Variants in ZNF507 observed in about 807,000 individuals in gnomAD.
ZNF507 encodes zinc finger protein 507.
A neutral mutation model predicts 80.0 loss-of-function variants in ZNF507; 29 were observed. The ratio of observed to expected loss-of-function variants is 0.36; its 90% CI spans 0.27 to 0.49. The LOEUF is 0.49. ZNF507 is among the 20% of genes least tolerant of loss of function. The pLI, the probability that ZNF507 is intolerant of heterozygous loss-of-function variation, is 0.98. For missense variants in ZNF507, 1,081 were observed against 1,152.2 expected, an observed-to-expected ratio of 0.94 and a Z score of 0.90; for synonymous variants, 462 against 422.5, an observed-to-expected ratio of 1.09 and a Z score of -1.15.
At chr19:32,362,341 G>A (rs187574155) in intron 5 of ZNF507, among the ~76,000 whole-genome samples, 5 of 152,300 alleles carry the variant, frequency 3.3e-5, no homozygotes, top group East Asian at 3.9e-4. Context: ...TAGACATACC[G>A]TGCCAGATTC....
chr19:32,346,064 A>C (rs907474308), intron 1 of ZNF507, among the ~76,000 whole-genome samples: 1 of 152,166 alleles, frequency 6.6e-6, no homozygotes, highest in Non-Finnish European at 1.5e-5. Flanking sequence ...TTCCTTCTCC[A>C]GGCGTTGCTT....
chr19:32,378,223 C>T (rs1568309783), intron 5 of ZNF507, among the ~76,000 whole-genome samples: 1 of 152,032 alleles, frequency 6.6e-6, no homozygotes, highest in Non-Finnish European at 1.5e-5. Context: ...CGTGGTGGCA[C>T]ACACCTGTAA....
chr19:32,355,460 G>A (rs1055279076), intron 3 of ZNF507, among the ~76,000 whole-genome samples: 1 of 152,176 alleles, frequency 6.6e-6, no homozygotes, highest in Non-Finnish European at 1.5e-5. Flanking sequence ...AAAAGGTACT[G>A]TCATGGAAAT....
chr19:32,370,736 G>C (rs1967459616), intron 5 of ZNF507, among the ~76,000 whole-genome samples: 1 of 152,040 alleles, frequency 6.6e-6, no homozygotes, highest in African/African-American at 2.4e-5. Context: ...TTTTTGGTTT[G>C]ATGTTGTCCC....
rs541702804 is a variant in ZNF507, at chr19:32,354,419, A to G, written c.1589A>G (p.Gln530Arg). ...AACCTTTTAGATCCAGATACTAGTCAAAGGCAAGTAGATAGTACATTGGCA... is the reference window on the plus strand; with the variant it reads ...AACCTTTTAGATCCAGATACTAGTCGAAGGCAAGTAGATAGTACATTGGCA... Reference protein sequence around the residue: ...DINLLDPDTSQRQVDSTLAAY... With the variant: ...DINLLDPDTSRRQVDSTLAAY... Residue 530 changes from glutamine to arginine, a missense_variant, in exon 3 of 7, where the codon CAA becomes CGA. By Grantham distance (43) the Gln-to-Arg change is conservative (BLOSUM62 1). Transcript: ENST00000355898. 1 of 1,614,116 alleles carries G rather than the reference A, an allele frequency of 6.2e-7. No individual in the cohort carries two copies. The highest frequency in any genetic ancestry group is 1.3e-5 in the African/African-American group (1 of 75,030).
chr19:32,356,990 G>A (rs765615086), intron 4 of ZNF507: 1 of 329,060 alleles, frequency 3.0e-6, no homozygotes, highest in Non-Finnish European at 5.6e-6. Flanking sequence ...CCCCTTAGAA[G>A]GTGATGTACC....
chr19:32,359,720 A>G (rs1275944932), intron 4 of ZNF507: 1 of 152,196 alleles, frequency 6.6e-6, no homozygotes, highest in Non-Finnish European at 1.5e-5. Context: ...AGAGCTGCAT[A>G]TTCATGTCAG....
At chr19:32,369,096 G>A (rs747761055) in intron 5 of ZNF507, among the ~76,000 whole-genome samples, 104 of 152,200 alleles carry the variant, frequency 6.8e-4, no homozygotes, top group Admixed American at 2.4e-3. Flanking sequence ...TTTTAGCCAA[G>A]TTATAAGAAG....
At chr19:32,347,897 A>T (rs1429731766) in intron 2 of ZNF507, among the ~76,000 whole-genome samples, 2 of 152,206 alleles carry the variant, frequency 1.3e-5, no homozygotes, top group Non-Finnish European at 2.9e-5. Flanking sequence ...TAGACTATGA[A>T]ACTCCATATA....
At chr19:32,373,137 C>T (rs1399234555) in intron 5 of ZNF507, among the ~76,000 whole-genome samples, 3 of 152,198 alleles carry the variant, frequency 2.0e-5, no homozygotes, top group Non-Finnish European at 2.9e-5. Flanking sequence ...GGCCTCTGCC[C>T]TCATGACCTA....
At chr19:32,350,999 G>T (rs1558868) in intron 2 of ZNF507, among the ~76,000 whole-genome samples, 1 of 151,992 alleles carries the variant, frequency 6.6e-6, no homozygotes, top group South Asian at 2.1e-4. Flanking sequence ...TCCCCCATTG[G>T]TCTCCTCTTT....
In ZNF507 at chr19:32,354,794, A is replaced by G. The variant is rs201588894; in HGVS notation, c.1964A>G (p.Tyr655Cys). The G allele has an allele frequency of 1.3e-5, 21 of 1,614,238 alleles. No homozygotes were observed. The highest frequency in any genetic ancestry group is 1.7e-5 in the Admixed American group (1 of 60,034). ...LCHYTSGNKG[Y>C]IKQHLRVHRQ... is the part of the protein sequence containing the mutation. ...CACTACACAAGTGGCAACAAGGGCT[A>G]CATCAAGCAGCACTTACGAGTCCAT... The change falls in exon 3 of 7, where the codon TAC becomes TGC. Residue 655 changes from tyrosine (Y) to cysteine (C), a missense_variant. By Grantham distance (194) the Tyr-to-Cys change is radical. Coordinates refer to ENST00000355898, the MANE Select transcript of ZNF507 (RefSeq NM_001136156.2).
Position 32,353,407 on chromosome 19 carries a change from T to G in ZNF507, c.577T>G (p.Cys193Gly). The G allele has an allele frequency of 6.2e-7, 1 of 1,614,126 alleles. No individual in the cohort carries two copies. Among genetic ancestry groups the G allele is most frequent in the Non-Finnish European group, 8.5e-7 (1 of 1,180,028 alleles). ...NIHTQSKAQQCVSPSSSLCRK... is the reference protein window; with the variant it reads ...NIHTQSKAQQGVSPSSSLCRK... ...CCACACCCAATCCAAAGCCCAACAG[T>G]GCGTAAGCCCCTCCAGCTCTTTGTG... Residue 193 changes from cysteine (C) to glycine (G), a missense_variant, in exon 3 of 7, where the codon TGC (cysteine) becomes GGC (glycine). Transcript: ENST00000355898.
intron 4 of ZNF507, chr19:32,358,901 A>AT (rs1294220344): frequency 2.0e-5 from 3 of 152,262 alleles, no homozygotes; most frequent in Non-Finnish European, 4.4e-5. Context: ...ACCCATGATC[A>AT]TACTGGTAGA....
chr19:32,354,146 A>G lies in ZNF507; in HGVS notation c.1316A>G (p.Asp439Gly), dbSNP rs753171160. 13 of 1,613,212 alleles carry G rather than the reference A, an allele frequency of 8.1e-6. 1 individual carries two copies. The Admixed American group carries it at 1.2e-4, about 14-fold the overall frequency. ...TEAQIGREGM[D>G]DVYRADKCTV... ...GCTCAGATTGGGCGCGAAGGAATGG[A>G]TGATGTTTATCGTGCTGATAAATGT... The change falls in exon 3 of 7, where the codon GAT becomes GGT. Residue 439 changes from aspartate to glycine, a missense_variant. Around this residue, in one of 6 missense-constraint regions of ZNF507, gnomAD observed 614 missense variants for 583.9 expected, o/e 1.05. Transcript: ENST00000355898.
chr19:32,365,271 A>C (rs1289101267), intron 5 of ZNF507, among the ~76,000 whole-genome samples: 2 of 151,960 alleles, frequency 1.3e-5, no homozygotes, highest in Non-Finnish European at 2.9e-5. Context: ...GATTGTGAAG[A>C]TTTTCACCCA....
At chr19:32,356,080 A>C (rs1188861347) in intron 3 of ZNF507, among the ~76,000 whole-genome samples, 1 of 152,204 alleles carries the variant, frequency 6.6e-6, no homozygotes, top group Non-Finnish European at 1.5e-5. Context: ...AATTCCAAGT[A>C]GGATGTCCAC....
chr19:32,370,903 G>A (rs531833551), intron 5 of ZNF507, among the ~76,000 whole-genome samples: 2 of 152,114 alleles, frequency 1.3e-5, no homozygotes, highest in Non-Finnish European at 2.9e-5. Context: ...TGATTGCTGT[G>A]GATGATGTAA....
chr19:32,347,422 G>A (rs1967110704), intron 2 of ZNF507, 84 bp downstream of exon 2: 1 of 152,166 alleles, frequency 6.6e-6, no homozygotes, highest in South Asian at 2.1e-4. Context: ...GAGTTATGAG[G>A]ATCAGATACC....
Sources: allele counts gnomAD v4.1 joint callset (sites outside exome capture counted in the v4.1 genomes callset), GRCh38; gene constraint gnomAD v4.1.1; regional missense constraint gnomAD v4.1.1; transcripts MANE v1.5; gene names NCBI Gene and HGNC (gene_info 2026-07-23, HGNC 2026-07-21).